Variants in TMEM108 observed in about 807,000 individuals in gnomAD.
The protein encoded by TMEM108 is cancer/testis antigen 124.
TMEM108 carries 12 observed loss-of-function variants against 35.1 expected under a neutral mutation model. That is an observed-to-expected ratio of 0.34 (90% CI 0.22 to 0.55). The LOEUF (loss-of-function observed/expected upper bound fraction) is 0.55. Among genes scored for constraint, TMEM108 ranks in the 20% least tolerant of loss-of-function variants. The pLI, the probability that TMEM108 is intolerant of heterozygous loss-of-function variation, is 0.89. For missense variants in TMEM108, 680 were observed against 753.3 expected, an observed-to-expected ratio of 0.90 and a Z score of 1.14; for synonymous variants, 287 against 308.6, an observed-to-expected ratio of 0.93 and a Z score of 0.73.
chr3:133,058,554 G>A (rs1050276173), intron 2 of TMEM108, among the ~76,000 whole-genome samples: 4 of 152,164 alleles, frequency 2.6e-5, no homozygotes, highest in Admixed American at 1.3e-4. Context: ...GGCTACTCCC[G>A]TGCCTACAGG....
At chr3:133,062,267 A>G (rs1047970370) in intron 2 of TMEM108, among the ~76,000 whole-genome samples, 4 of 152,242 alleles carry the variant, frequency 2.6e-5, no homozygotes, top group Non-Finnish European at 5.9e-5. Context: ...AACAATAGCT[A>G]GGAAAGCTTT....
chr3:133,071,169 T>A (rs947664832), intron 2 of TMEM108, among the ~76,000 whole-genome samples: 1 of 152,154 alleles, frequency 6.6e-6, no homozygotes, highest in Non-Finnish European at 1.5e-5. Flanking sequence ...ACTCACTGTT[T>A]TAGTTTGCTA....
intron 3 of TMEM108, among the ~76,000 whole-genome samples, chr3:133,319,116 T>C (rs1363682078): frequency 1.3e-5 from 2 of 151,910 alleles, no homozygotes; most frequent in African/African-American, 4.8e-5. Flanking sequence ...GCAACCCTAA[T>C]CCCCTCTGGA....
chr3:133,184,900 A>G (rs1945397796), intron 2 of TMEM108, among the ~76,000 whole-genome samples: 2 of 152,250 alleles, frequency 1.3e-5, no homozygotes, highest in African/African-American at 2.4e-5. Flanking sequence ...AGGAAAGTCC[A>G]CTTACAGTTG....
rs551212102 is a variant in TMEM108, at chr3:133,044,261, G to A, written c.-165-1641G>A. 2.6e-5 allele frequency among the ~76,000 whole-genome samples: 4 copies of A among 152,088 alleles called. No individual in the cohort carries two copies. In the East Asian group the frequency reaches 7.7e-4, roughly 29 times the overall value. On this transcript the variant is annotated intron_variant, in intron 1 of 5. Transcript: ENST00000321871. ...TTGCTGAGTTATTTTGAGATTTTGGGGGCATGATTGATTTCTCTGAGCTTG... is the reference window on the plus strand; with the variant it reads ...TTGCTGAGTTATTTTGAGATTTTGGAGGCATGATTGATTTCTCTGAGCTTG...
At chr3:133,176,480 G>A (rs1367613035) in intron 2 of TMEM108, among the ~76,000 whole-genome samples, 2 of 152,174 alleles carry the variant, frequency 1.3e-5, no homozygotes, top group Non-Finnish European at 2.9e-5. Context: ...TCAGACCACA[G>A]TGCAGTCAAA....
intron 2 of TMEM108, among the ~76,000 whole-genome samples, chr3:133,116,752 A>G (rs989784830): frequency 1.3e-5 from 2 of 152,124 alleles, no homozygotes; most frequent in African/African-American, 4.8e-5. Flanking sequence ...AGGAAAATAT[A>G]TCTGTATTTT....
At chr3:133,364,691 G>A (rs1181667269) in intron 3 of TMEM108, among the ~76,000 whole-genome samples, 1 of 152,222 alleles carries the variant, frequency 6.6e-6, no homozygotes, top group African/African-American at 2.4e-5. Context: ...AAGGAATACT[G>A]TGGAGAAAGA....
At chr3:133,218,541 T>C (rs1945941914) in intron 2 of TMEM108, among the ~76,000 whole-genome samples, 1 of 152,060 alleles carries the variant, frequency 6.6e-6, no homozygotes, top group Admixed American at 6.5e-5. Context: ...GTTTGTCATA[T>C]ATGGCCTTTG....
chr3:133,372,881 G>A (rs546976144), intron 3 of TMEM108, among the ~76,000 whole-genome samples: 2 of 152,236 alleles, frequency 1.3e-5, no homozygotes, highest in African/African-American at 2.4e-5. Flanking sequence ...TCATAAAGAA[G>A]TGAAGTCACA....
chr3:133,042,437 A>G (rs1053663482), intron 1 of TMEM108, among the ~76,000 whole-genome samples: 5 of 152,194 alleles, frequency 3.3e-5, no homozygotes, highest in African/African-American at 9.6e-5. Context: ...AAATAAATCT[A>G]TTCACCTTTC....
chr3:133,069,048 T>TAGAG (rs886368677), intron 2 of TMEM108, among the ~76,000 whole-genome samples: 1 of 152,120 alleles, frequency 6.6e-6, no homozygotes. Flanking sequence ...GAAATGAATT[T>TAGAG]AGAGAGACAG....
At chr3:133,179,211 C>G (rs1945289802) in intron 2 of TMEM108, among the ~76,000 whole-genome samples, 1 of 151,950 alleles carries the variant, frequency 6.6e-6, no homozygotes, top group Non-Finnish European at 1.5e-5. Flanking sequence ...GTTGGTGGGA[C>G]TGTAAACTAG....
intron 2 of TMEM108, among the ~76,000 whole-genome samples, chr3:133,212,063 T>C (rs1945841253): frequency 6.6e-6 from 1 of 152,184 alleles, no homozygotes; most frequent in African/African-American, 2.4e-5. Context: ...ACTTGCAGAA[T>C]GCAGGGAGGG....
intron 3 of TMEM108, among the ~76,000 whole-genome samples, chr3:133,271,242 C>A (rs551321492): frequency 6.6e-6 from 1 of 152,080 alleles, no homozygotes; most frequent in South Asian, 2.1e-4. Context: ...TGCTGTAGAA[C>A]GGAAAGAGTT....
intron 2 of TMEM108, among the ~76,000 whole-genome samples, chr3:133,126,792 G>T (rs1944423023): frequency 6.6e-6 from 1 of 152,020 alleles, no homozygotes; most frequent in Admixed American, 6.5e-5. Context: ...TGAAGTATTT[G>T]TATATAACCT....
At chr3:133,282,571 A>G (rs1251420650) in intron 3 of TMEM108, among the ~76,000 whole-genome samples, 1 of 152,196 alleles carries the variant, frequency 6.6e-6, no homozygotes, top group Non-Finnish European at 1.5e-5. Flanking sequence ...TGGATGTTTA[A>G]TTCAAGTTTT....
chr3:133,389,313 C>G, intron 4 of TMEM108: 1 of 985,448 alleles, frequency 1.0e-6, no homozygotes, highest in Non-Finnish European at 1.2e-6. Context: ...CTCAGTCAAG[C>G]TGTGTGGAGC....
At chr3:133,100,763 A>G (rs533725828) in intron 2 of TMEM108, among the ~76,000 whole-genome samples, 109 of 152,314 alleles carry the variant, frequency 7.2e-4, no homozygotes, top group African/African-American at 2.5e-3. Context: ...TTTTTTGTAA[A>G]AATCTTTTCT....
Sources: allele counts gnomAD v4.1 joint callset (sites outside exome capture counted in the v4.1 genomes callset), GRCh38; gene constraint gnomAD v4.1.1; transcripts MANE v1.5; gene names NCBI Gene and HGNC (gene_info 2026-07-23, HGNC 2026-07-21).